Variants in ACSS2 observed in about 807,000 individuals in gnomAD.
The protein encoded by ACSS2 is acyl-CoA synthetase short chain family member 2, also known as acetyl-coenzyme A synthetase, cytoplasmic.
A neutral mutation model predicts 90.6 loss-of-function variants in ACSS2; 58 were observed. The ratio of observed to expected loss-of-function variants is 0.64; its 90% CI spans 0.52 to 0.80. ACSS2 has a LOEUF of 0.80. Among genes scored for constraint, ACSS2 ranks in the 30% least tolerant of loss-of-function variants. The pLI, the probability that ACSS2 is intolerant of heterozygous loss-of-function variation, is 0.00. For synonymous variants in ACSS2, 300 were observed against 330.9 expected (o/e 0.91, Z 1.01); for missense variants, 759 against 912.0 (o/e 0.83, Z 2.16).
In ACSS2 at chr20:34,907,817, T is replaced by C. The variant is rs534405011; in HGVS notation, c.375-5279T>C. Among the ~76,000 whole-genome samples, 7 of 152,334 alleles carry C rather than the reference T, an allele frequency of 4.6e-5. No homozygotes were observed. The East Asian group carries it at 1.4e-3, about 29-fold the overall frequency. The stretch of plus-strand genomic sequence containing the variant: ...TTCCTCTCTCCCTGTTCTTTCCCAC[T>C]TTAGTAAGCTCCCTGTGTTTGGCTT... On this transcript the variant is annotated intron_variant, in intron 2 of 17. Transcript: ENST00000360596.
intron 2 of ACSS2, among the ~76,000 whole-genome samples, chr20:34,883,667 A>G (rs2080121956): frequency 6.6e-6 from 1 of 152,212 alleles, no homozygotes; most frequent in African/African-American, 2.4e-5. Context: ...CAAATGAAGC[A>G]TTGAAGGGTT....
At chr20:34,885,407 C>T (rs1011677355) in intron 2 of ACSS2, among the ~76,000 whole-genome samples, 7 of 152,140 alleles carry the variant, frequency 4.6e-5, no homozygotes. Flanking sequence ...ACCAGTTCCC[C>T]TACCACCCTT....
Position 34,921,147 on chromosome 20 carries a change from C to G in ACSS2, c.1277+8C>G. On this transcript the variant is annotated splice_region_variant and intron_variant, in intron 10 of 17. Transcript: ENST00000360596. ...AGATGAGCCTGTCACCAAGTGAGAC[C>G]TCTTCCCAGTTGCTGCCCTGTGGGT... 4 of 1,614,138 alleles carry G rather than the reference C, an allele frequency of 2.5e-6. No individual in the cohort carries two copies. Among genetic ancestry groups the G allele is most frequent in the Non-Finnish European group, 3.4e-6 (4 of 1,180,018 alleles).
Position 34,882,998 on chromosome 20 carries a change from A to G in ACSS2, c.374+9A>G, listed in dbSNP as rs552862955. 1.3e-6 allele frequency: 2 copies of G among 1,595,672 alleles called. No individual in the cohort carries two copies. Among genetic ancestry groups the G allele is most frequent in the South Asian group, 2.3e-5 (2 of 88,116 alleles). ...AAAGTTGCTTTTTACTGGTAAAAAT[A>G]TCTATCTTATACTTGGTGGCAGATA... On this transcript the variant is annotated intron_variant, in intron 2 of 17. Transcript: ENST00000360596.
chr20:34,888,814 T>C (rs927531455), intron 2 of ACSS2, among the ~76,000 whole-genome samples: 9 of 152,060 alleles, frequency 5.9e-5, no homozygotes, highest in African/African-American at 1.7e-4. Context: ...ATGTTCCAGG[T>C]AGGTGGAGAA....
At chr20:34,884,112 A>C (rs1280379047) in intron 2 of ACSS2, among the ~76,000 whole-genome samples, 7 of 152,190 alleles carry the variant, frequency 4.6e-5, no homozygotes, top group Admixed American at 4.6e-4. Context: ...CGTTTGGCTA[A>C]TTTTTGTATT....
chr20:34,900,166 CTTTTTTTTTTTT>C (rs34951413), intron 2 of ACSS2, among the ~76,000 whole-genome samples: 2 of 79,216 alleles, frequency 2.5e-5, no homozygotes, highest in East Asian at 7.5e-4. Flanking sequence ...CATGCCTGAC[CTTTTTTTTTTTT>C]TTTTTTTTTT....
upstream of ACSS2, chr20:34,876,537 A>G: frequency 8.1e-7 from 1 of 1,238,802 alleles, no homozygotes; most frequent in Non-Finnish European, 1.0e-6. Flanking sequence ...TCCCCCACTC[A>G]CCAGGCCCCG....
At chr20:34,876,498 G>T (rs2079909675), upstream of ACSS2, 2 of 903,118 alleles carry the variant, frequency 2.2e-6, no homozygotes, top group Non-Finnish European at 3.0e-6. Context: ...CGCCCCCTCT[G>T]GCACCGCCCA....
chr20:34,921,499 A>T (rs1190525999), intron 11 of ACSS2, 37 bp downstream of exon 11: 1 of 1,614,176 alleles, frequency 6.2e-7, no homozygotes, highest in East Asian at 2.2e-5. Flanking sequence ...GCCCAGGGAC[A>T]ATGTGGGAAG....
At chr20:34,925,326 C>A (rs1372616832) in intron 14 of ACSS2, among the ~76,000 whole-genome samples, 4 of 152,234 alleles carry the variant, frequency 2.6e-5, no homozygotes, top group Non-Finnish European at 5.9e-5. Flanking sequence ...ATCCTCAGTT[C>A]CTCACCTCAC....
intron 2 of ACSS2, among the ~76,000 whole-genome samples, chr20:34,899,431 C>T (rs796289368): frequency 0.23 from 13,679 of 59,048 alleles, 929 homozygotes; most frequent in African/African-American, 0.38. Context: ...TCTTTCCTTC[C>T]TTCCTTCCTT....
At position 34,921,852 on chromosome 20, in the gene ACSS2, G is replaced by A. The variant is rs59116442; in HGVS notation, c.1534G>A (p.Ala512Thr). The A allele has an allele frequency of 9.6e-4, 1,550 of 1,613,960 alleles. 1 individual carries two copies. The highest frequency in any genetic ancestry group is 1.3e-3 in the Non-Finnish European group (1,496 of 1,179,932). The change falls in exon 13 of 18, where the codon GCT (alanine) becomes ACT (threonine). Residue 512 changes from alanine (A) to threonine (T), a missense_variant. Transcript: ENST00000360596. ...GTCCGGGGAAGAGTTGGAAGGTGAAGCTGAAGGTTATCTGGTGAGGCCCTG... is the reference window on the plus strand; with the variant it reads ...GTCCGGGGAAGAGTTGGAAGGTGAAACTGAAGGTTATCTGGTGAGGCCCTG... ...NESGEELEGE[A>T]EGYLVFKQPW...
intron 4 of ACSS2, 66 bp downstream of exon 4, chr20:34,913,562 C>A: frequency 6.7e-7 from 1 of 1,481,848 alleles, no homozygotes; most frequent in Non-Finnish European, 9.3e-7. Flanking sequence ...TAGGTTGGGC[C>A]TAGATGATGG....
At position 34,914,353 on chromosome 20, in the gene ACSS2, C is replaced by T. The variant is rs775492006; in HGVS notation, c.750C>T (p.Val250=). ...KGFPVRCCIV[V]KHLGRAELGM... ...TCCCAGTAAGATGCTGCATTGTGGT[C>T]AAGCACCTGGGGCGGGCAGAGCTCG... The change falls in exon 7 of 18, where the codon GTC becomes GTT. Residue 250 remains valine, a synonymous_variant. Coordinates refer to ENST00000360596, the MANE Select transcript of ACSS2 (RefSeq NM_018677.4). 3.7e-6 allele frequency: 6 copies of T among 1,613,672 alleles called. No homozygotes were observed. The highest frequency in any genetic ancestry group is 1.6e-4 in the Middle Eastern group (1 of 6,078).
intron 2 of ACSS2, among the ~76,000 whole-genome samples, chr20:34,898,888 C>T (rs2080545329): frequency 2.6e-5 from 4 of 152,026 alleles, no homozygotes; most frequent in Non-Finnish European, 1.5e-5. Flanking sequence ...CGCACAGGAG[C>T]CCACGGTGGG....
chr20:34,899,203 A>G (rs2080562591), intron 2 of ACSS2, among the ~76,000 whole-genome samples: 2 of 152,176 alleles, frequency 1.3e-5, no homozygotes, highest in East Asian at 1.9e-4. Context: ...CCTCCCTGCA[A>G]GCTGAGGGAG....
chr20:34,898,570 C>T (rs970682658), intron 2 of ACSS2, among the ~76,000 whole-genome samples: 112 of 152,298 alleles, frequency 7.4e-4, no homozygotes, highest in Non-Finnish European at 1.2e-3. Context: ...CTGAGCTAGA[C>T]ATAAAGGTTC....
chr20:34,917,818 T>C (rs2081107612), intron 7 of ACSS2, among the ~76,000 whole-genome samples: 1 of 152,174 alleles, frequency 6.6e-6, no homozygotes, highest in Non-Finnish European at 1.5e-5. Context: ...AGTGGTACGA[T>C]CTCGGCTTAC....
Sources: allele counts gnomAD v4.1 joint callset (sites outside exome capture counted in the v4.1 genomes callset), GRCh38; gene constraint gnomAD v4.1.1; transcripts MANE v1.5; gene names NCBI Gene and HGNC (gene_info 2026-07-23, HGNC 2026-07-21).